The following ELF4 variants were observed in gnomAD, a reference collection of about 807,000 sequenced individuals.
ELF4 encodes the protein ETS-related transcription factor Elf-4.
A neutral mutation model predicts 31.7 loss-of-function variants in ELF4; 10 were observed. The ratio of observed to expected loss-of-function variants is 0.32; its 90% CI spans 0.19 to 0.54. The LOEUF is 0.54. Ranked by LOEUF, ELF4 falls within the 20% of genes least tolerant of loss-of-function variation. ELF4 has a pLI of 0.95. For missense variants in ELF4, 418 were observed against 522.0 expected, an observed-to-expected ratio of 0.80 and a Z score of 1.94; for synonymous variants, 208 against 226.7, an observed-to-expected ratio of 0.92 and a Z score of 0.74.
intron 1 of ELF4, among the ~76,000 whole-genome samples, chrX:130,088,529 C>G (rs141856764): frequency 1.8e-5 from 2 of 111,459 alleles, no homozygotes; most frequent in Admixed American, 1.9e-4. Context: ...CTGGCCAACA[C>G]AGCAAAAGCC....
In ELF4 at chrX:130,065,250, A is replaced by G. The variant is rs1473140211; in HGVS notation, c.*1471T>C. On this transcript the variant is annotated 3_prime_UTR_variant, in exon 9 of 9. Transcript: ENST00000308167. ...TCTTAGCCTTGCCCTCAAACTTGGC[A>G]GGAGGGAGGCAAGCTCGTTTAAAGA... The G allele has an allele frequency of 5.7e-6, 1 of 173,922 alleles. No homozygotes were observed. Among genetic ancestry groups the G allele is most frequent in the Non-Finnish European group, 1.1e-5 (1 of 91,170 alleles). 14.3% of individuals were successfully genotyped at this position (173,922 alleles called of 1,213,427 possible).
chrX:130,074,636 G>A lies in ELF4; in HGVS notation c.192C>T (p.Asp64=), dbSNP rs776627018. Residue 64 remains aspartate, a synonymous_variant, in exon 3 of 9, where the codon GAC becomes GAT. Transcript: ENST00000308167. ...GATCCTGCGTCATGCACAAGGTCCC[G>A]TCTGTTATGATGCCATTGTGAACGT... ...LDDVHNGIIT[D]GTLCMTQDQI... is the part of the protein sequence containing the mutation. 1.2e-5 allele frequency: 14 copies of A among 1,211,708 alleles called. No homozygotes were observed. The highest frequency in any genetic ancestry group is 4.3e-5 in the Admixed American group (2 of 46,005).
rs375950319 is a variant in ELF4 at position 130,067,449 on chromosome X, T to C, written c.1264A>G (p.Ile422Val). 20 of 1,210,140 alleles carry C rather than the reference T, an allele frequency of 1.7e-5. No homozygotes were observed. The East Asian group carries it at 5.6e-4, about 34-fold the overall frequency. The change falls in exon 9 of 9, where the codon ATC becomes GTC. Residue 422 changes from isoleucine (I) to valine (V), a missense_variant. This residue lies in a region of ELF4 where 260 missense variants were observed against 269.2 expected (regional missense o/e 0.97). Coordinates refer to ENST00000308167, the MANE Select transcript of ELF4 (RefSeq NM_001421.4). ...TTGGTCAGCACCGTGGTCAGTGGGA[T>C]CGTCTGCAGGGTCAGGGCCGAGCCC... ...GSGSALTLQT[I>V]PLTTVLTNGP...
rs974937600 is a variant in ELF4, at chrX:130,065,398, G to A, written c.*1323C>T. The A allele has an allele frequency of 1.2e-5, 2 of 173,757 alleles. No individual in the cohort carries two copies. Among genetic ancestry groups the A allele is most frequent in the Non-Finnish European group, 2.2e-5 (2 of 91,254 alleles). 14.3% of individuals were successfully genotyped at this position (173,757 alleles called of 1,213,427 possible). On this transcript the variant is annotated 3_prime_UTR_variant, in exon 9 of 9. Coordinates refer to ENST00000308167, the MANE Select transcript of ELF4 (RefSeq NM_001421.4). ...AGCCACGAAGAGAGAGAGGTGCCAC[G>A]GGAACTCCTGGCTGCCGACTCCCGT... is the stretch of plus-strand genomic sequence containing the variant.
intron 4 of ELF4, among the ~76,000 whole-genome samples, chrX:130,073,224 G>A (rs892349998): frequency 1.8e-5 from 2 of 111,717 alleles, no homozygotes; most frequent in Admixed American, 1.9e-4. Flanking sequence ...AAGTAGCTGG[G>A]ATTATAGGCA....
chrX:130,092,305 G>A (rs1175471838), intron 1 of ELF4, among the ~76,000 whole-genome samples: 4 of 113,163 alleles, frequency 3.5e-5, no homozygotes, highest in Non-Finnish European at 7.5e-5. Context: ...TTTCCCCTTC[G>A]GGGCCTGCTG....
intron 1 of ELF4, among the ~76,000 whole-genome samples, chrX:130,109,831 C>G (rs1000676416): frequency 8.9e-6 from 1 of 112,906 alleles, no homozygotes; most frequent in African/African-American, 3.2e-5. Context: ...CTGGCTCACA[C>G]GGAAACTCCG....
rs767744266 is a variant in ELF4, at chrX:130,067,375, A to T, written c.1338T>A (p.Ser446Arg). ...TTAPTQLVLQSVPAASTFKDT... is the reference protein window; with the variant it reads ...TTAPTQLVLQRVPAASTFKDT... ...CCTTGAAAGTAGAGGCCGCTGGAAC[A>T]CTCTGGAGAACGAGCTGAGTGGGAG... Residue 446 changes from serine to arginine, a missense_variant, in exon 9 of 9, where the codon AGT becomes AGA. By Grantham distance (110) the Ser-to-Arg change is moderately radical (BLOSUM62 -1). Around this residue, in one of 4 missense-constraint regions of ELF4, gnomAD observed 260 missense variants for 269.2 expected, o/e 0.97. Transcript: ENST00000308167. 8.3e-7 allele frequency: 1 copy of T among 1,211,646 alleles called. No individual in the cohort carries two copies. Among genetic ancestry groups the T allele is most frequent in the Non-Finnish European group, 1.1e-6 (1 of 895,467 alleles).
intron 7 of ELF4, 44 bp from the exon 8 acceptor site, chrX:130,069,721 G>T: frequency 3.3e-6 from 4 of 1,205,507 alleles, no homozygotes; most frequent in Non-Finnish European, 4.5e-6. Context: ...CCGGGAGCTG[G>T]GTGGGAGACC....
intron 1 of ELF4, among the ~76,000 whole-genome samples, chrX:130,106,245 T>C (rs1933377265): frequency 9.2e-6 from 1 of 109,045 alleles, no homozygotes; most frequent in Non-Finnish European, 1.9e-5. Context: ...CCAGCCGTGC[T>C]GGCCTCTGCT....
chrX:130,087,132 G>T (rs1401905657), intron 1 of ELF4, among the ~76,000 whole-genome samples: 1 of 112,965 alleles, frequency 8.9e-6, no homozygotes, highest in Non-Finnish European at 1.9e-5. Flanking sequence ...GGAAGTGCCT[G>T]CGGCCACCAC....
rs201836552 is a variant in ELF4, at chrX:130,063,972, TTTATTATTA to T, written c.*2740_*2748del. 9.4e-3 allele frequency among the ~76,000 whole-genome samples: 879 copies of T among 93,305 alleles called. 10 individuals carry two copies. The highest frequency in any genetic ancestry group is 0.031 in the African/African-American group (772 of 25,280). 81.0% of individuals were successfully genotyped at this position (93,305 alleles called of 115,157 possible). ...TGACGGCCTTTTTGTTTGCTTGATT[TTTATTATTA>T]TTATTATTATTATTATTATTATTAT... On this transcript the variant is annotated 3_prime_UTR_variant, in exon 9 of 9. Coordinates refer to ENST00000308167, the MANE Select transcript of ELF4 (RefSeq NM_001421.4).
chrX:130,089,841 G>A (rs1336880705), intron 1 of ELF4, among the ~76,000 whole-genome samples: 1 of 112,788 alleles, frequency 8.9e-6, no homozygotes, highest in African/African-American at 3.2e-5. Flanking sequence ...GCTCATGCTT[G>A]TTATCCCAGC....
chrX:130,089,975 G>A (rs1603207208), intron 1 of ELF4, among the ~76,000 whole-genome samples: 1 of 110,264 alleles, frequency 9.1e-6, no homozygotes, highest in African/African-American at 3.3e-5. Context: ...GGTGACTCAT[G>A]CCTGTAATCC....
chrX:130,090,257 C>T (rs1933036013), intron 1 of ELF4, among the ~76,000 whole-genome samples: 1 of 110,535 alleles, frequency 9.0e-6, no homozygotes, highest in Admixed American at 9.6e-5. Context: ...CCTGTAGTCC[C>T]AGCTACTCAG....
chrX:130,092,334 C>G (rs1405882785), intron 1 of ELF4, among the ~76,000 whole-genome samples: 2 of 113,311 alleles, frequency 1.8e-5, no homozygotes, highest in African/African-American at 6.4e-5. Flanking sequence ...AGCCCCGCCC[C>G]TGCCTCACAC....
intron 1 of ELF4, among the ~76,000 whole-genome samples, chrX:130,093,843 A>G (rs1409307981): frequency 8.9e-6 from 1 of 112,161 alleles, no homozygotes; most frequent in Non-Finnish European, 1.9e-5. Context: ...GGCCTGCAAA[A>G]AAAATGGCTG....
In ELF4 at chrX:130,064,530, T is replaced by C. The variant is rs1197936622; in HGVS notation, c.*2191A>G. Among the ~76,000 whole-genome samples the C allele has an allele frequency of 1.8e-5, 2 of 112,181 alleles. No individual in the cohort carries two copies. The highest frequency in any genetic ancestry group is 3.8e-5 in the Non-Finnish European group (2 of 53,181). On this transcript the variant is annotated 3_prime_UTR_variant, in exon 9 of 9. Transcript: ENST00000308167. ...GAAATGTTCAGCAGATTGCTGGAAA[T>C]GTGAGCCAGGAGCTTAAGAGAAAGG...
chrX:130,067,196 CCT>C lies in ELF4; in HGVS notation c.1515_1516del (p.Ala507TrpfsTer28). The stretch of plus-strand genomic sequence containing the variant: ...AGAGCTGGGCCCTGCTGGTCCAGCC[CCT>C]GTGACCGTGGGTGGCGCCGGGTTGG... On this transcript the variant is annotated frameshift_variant, in exon 9 of 9. Transcript: ENST00000308167. LOFTEE classifies it high-confidence loss of function. 1.7e-6 allele frequency: 2 copies of C among 1,210,104 alleles called. No homozygotes were observed. The highest frequency in any genetic ancestry group is 2.2e-6 in the Non-Finnish European group (2 of 894,283).
Sources: allele counts gnomAD v4.1 joint callset (sites outside exome capture counted in the v4.1 genomes callset), GRCh38; gene constraint gnomAD v4.1.1; regional missense constraint gnomAD v4.1.1; transcripts MANE v1.5; gene names NCBI Gene and HGNC (gene_info 2026-07-23, HGNC 2026-07-21).